The following FNBP4 variants were observed in gnomAD, a reference collection of about 807,000 sequenced individuals.
FNBP4 encodes formin-binding protein 4.
FNBP4 carries 34 observed loss-of-function variants against 119.3 expected under a neutral mutation model. The ratio of observed to expected loss-of-function variants is 0.28; its 90% confidence interval spans 0.22 to 0.38. The LOEUF (loss-of-function observed/expected upper bound fraction) is 0.38, where lower values mean the gene tolerates loss of function less well. Among genes scored for constraint, FNBP4 ranks in the 10% least tolerant of loss-of-function variants. FNBP4 has a pLI of 1.00. For missense variants in FNBP4, 1,112 were observed against 1,228.9 expected, an observed-to-expected ratio of 0.90 and a Z score of 1.42; for synonymous variants, 462 against 430.6, an observed-to-expected ratio of 1.07 and a Z score of -0.90.
At chr11:47,739,880 GCGATT>G (rs1177833598) in intron 8 of FNBP4, among the ~76,000 whole-genome samples, 2 of 152,154 alleles carry the variant, frequency 1.3e-5, no homozygotes, top group Non-Finnish European at 2.9e-5. Flanking sequence ...CCAGGTTCAA[GCGATT>G]CTCCTGCCTC....
chr11:47,730,431 A>C (rs934400704), intron 12 of FNBP4, among the ~76,000 whole-genome samples: 2 of 152,336 alleles, frequency 1.3e-5, no homozygotes, highest in Non-Finnish European at 2.9e-5. Flanking sequence ...TTAAGAAGTT[A>C]ACAAAATCAT....
chr11:47,729,159 C>A (rs536113826), intron 12 of FNBP4: 46 of 985,266 alleles, frequency 4.7e-5, no homozygotes, highest in Non-Finnish European at 5.3e-5. Flanking sequence ...GCCTAGGCAT[C>A]TTTATTTCTA....
At chr11:47,738,847 ATTTTTTTT>A (rs71045510) in intron 8 of FNBP4, among the ~76,000 whole-genome samples, 32 of 110,986 alleles carry the variant, frequency 2.9e-4, no homozygotes, top group South Asian at 1.0e-3. Flanking sequence ...TGCCCAGGTA[ATTTTTTTT>A]TTTTTTTTTT....
At chr11:47,750,467 A>G (rs1272383173) in intron 6 of FNBP4, among the ~76,000 whole-genome samples, 3 of 148,074 alleles carry the variant, frequency 2.0e-5, no homozygotes, top group Admixed American at 1.4e-4. Flanking sequence ...AGGCAGGCGG[A>G]TCATGAGGTC....
chr11:47,731,278 T>C lies in FNBP4; in HGVS notation c.2008+96A>G, dbSNP rs2097567087. The C allele has an allele frequency of 7.5e-6, 9 of 1,203,784 alleles. No individual in the cohort carries two copies. The South Asian group carries it at 1.0e-4, about 13-fold the overall frequency. The allele number at this position is 1,203,784 out of a possible 1,614,324, so 74.6% of individuals were successfully genotyped here. ...ACCACTATTCTCAATCAGAAGCTTA[T>C]ATTATTATGACATAAAATCTTTTAA... On this transcript the variant is annotated intron_variant, in intron 12 of 16. Transcript: ENST00000263773.
intron 8 of FNBP4, among the ~76,000 whole-genome samples, chr11:47,743,304 G>A (rs776563627): frequency 1.3e-5 from 2 of 152,038 alleles, no homozygotes; most frequent in Non-Finnish European, 2.9e-5. Flanking sequence ...CCAACATGGC[G>A]AAACTCCGTC....
intron 16 of FNBP4, among the ~76,000 whole-genome samples, chr11:47,718,597 G>A (rs994055736): frequency 9.9e-5 from 15 of 152,022 alleles, no homozygotes; most frequent in Admixed American, 9.8e-4. Context: ...TAACAGAATG[G>A]ATGCATTAGA....
intron 12 of FNBP4, chr11:47,729,857 A>T (rs1482209192): frequency 1.3e-5 from 13 of 985,386 alleles, no homozygotes; most frequent in East Asian, 2.3e-4. Flanking sequence ...TTTGGATTTT[A>T]CTTCGATCAA....
chr11:47,723,386 A>G, intron 14 of FNBP4, 70 bp from the exon 15 acceptor site: 1 of 1,520,976 alleles, frequency 6.6e-7, no homozygotes, highest in Non-Finnish European at 8.8e-7. Flanking sequence ...ATGAAAAGAG[A>G]AGTGGGGATT....
In FNBP4 at chr11:47,724,500, G is replaced by T. The variant is rs754298564; in HGVS notation, c.2287C>A (p.Pro763Thr). The change falls in exon 13 of 17, where the codon CCT (proline) becomes ACT (threonine). Residue 763 changes from proline to threonine, a missense_variant. Pro to Thr is a conservative substitution (Grantham distance 38). This residue lies in a region of FNBP4 where 826 missense variants were observed against 988.8 expected (regional missense o/e 0.84). Coordinates refer to ENST00000263773, the MANE Select transcript of FNBP4 (RefSeq NM_015308.5). ...GTTACAACTGTGGTTTGTGCTGAAG[G>T]TTTCAAAGGGGTATCTTCCTCTGTT... Reference protein sequence around the residue: ...PGTEEDTPLKPSAQTTVVTSQ... With the variant: ...PGTEEDTPLKTSAQTTVVTSQ... The T allele has an allele frequency of 6.2e-7, 1 of 1,614,110 alleles. No individual in the cohort carries two copies. Among genetic ancestry groups the T allele is most frequent in the East Asian group, 2.2e-5 (1 of 44,902 alleles).
intron 3 of FNBP4, among the ~76,000 whole-genome samples, chr11:47,754,295 C>T (rs1317038953): frequency 1.3e-5 from 2 of 151,742 alleles, no homozygotes; most frequent in Non-Finnish European, 2.9e-5. Context: ...GGGAGGATCG[C>T]TTCAGCCCAA....
At chr11:47,746,634 C>T (rs569893432) in intron 6 of FNBP4, among the ~76,000 whole-genome samples, 7 of 151,932 alleles carry the variant, frequency 4.6e-5, no homozygotes, top group Admixed American at 3.3e-4. Context: ...CCTGTCTCAG[C>T]CTCCCAAGTA....
chr11:47,746,519 CT>C (rs371706754), intron 6 of FNBP4, 125 bp from the exon 7 acceptor site: 67,224 of 611,450 alleles, frequency 0.11, 6 homozygotes, highest in South Asian at 0.16. Context: ...GTAAAAACGA[CT>C]TTTTTTTTTT....
chr11:47,732,246 G>A lies in FNBP4; in HGVS notation c.1820+291C>T. The stretch of plus-strand genomic sequence containing the variant: ...TGTAAAGCGCACAGAGCTCTCGCAT[G>A]CGCTTAACCCCCAAGCCCGCCCTAC... On this transcript the variant is annotated intron_variant, in intron 11 of 16. Transcript: ENST00000263773. This position sits in a 1 kb window ranked among gnomAD's most constrained non-coding sequence, Gnocchi z 4.2. 2 of 1,198,504 alleles carry A rather than the reference G, an allele frequency of 1.7e-6. No individual in the cohort carries two copies. The highest frequency in any genetic ancestry group is 2.1e-6 in the Non-Finnish European group (2 of 961,024). 74.2% of individuals were successfully genotyped at this position (1,198,504 alleles called of 1,614,324 possible). A position where few individuals can be genotyped will look rare whatever the true frequency, so the allele number is the denominator to read the frequency against.
At chr11:47,730,246 C>T in intron 12 of FNBP4, 2 of 984,604 alleles carry the variant, frequency 2.0e-6, no homozygotes, top group Non-Finnish European at 2.4e-6. Context: ...TCACTGCTAC[C>T]AAAAGAGAGG....
At chr11:47,747,249 A>G (rs901447370) in intron 6 of FNBP4, among the ~76,000 whole-genome samples, 1 of 152,084 alleles carries the variant, frequency 6.6e-6, no homozygotes, top group Admixed American at 6.6e-5. Context: ...CTTCTTGCCC[A>G]GGCTGGAGTG....
At chr11:47,755,729 T>C (rs967860268) in intron 2 of FNBP4, among the ~76,000 whole-genome samples, 1 of 151,656 alleles carries the variant, frequency 6.6e-6, no homozygotes, top group African/African-American at 2.4e-5. Flanking sequence ...AGGTTGAGGC[T>C]GCATTAAGCC....
At chr11:47,733,361 C>T (rs1565131654) in intron 10 of FNBP4, among the ~76,000 whole-genome samples, 2 of 151,284 alleles carry the variant, frequency 1.3e-5, no homozygotes, top group African/African-American at 2.4e-5. Context: ...GAGACGGACT[C>T]GGACTCTGGC....
chr11:47,767,251 G>T lies in FNBP4; in HGVS notation c.38C>A (p.Pro13His). The T allele has an allele frequency of 6.4e-7, 1 of 1,564,200 alleles. No homozygotes were observed. Among genetic ancestry groups the T allele is most frequent in the South Asian group, 1.2e-5 (1 of 85,410 alleles). ...KKSRAVPGRR[P>H]ILQLSPPGPR... is the part of the protein sequence containing the mutation. Reference sequence around the variant, plus strand: ...ACCCGGCGGAGAGAGTTGCAGGATGGGCCTACGGCCGGGTACCGCCCGGGA... The same window carrying T: ...ACCCGGCGGAGAGAGTTGCAGGATGTGCCTACGGCCGGGTACCGCCCGGGA... Residue 13 changes from proline to histidine, a missense_variant, in exon 1 of 17, where the codon CCC becomes CAC. By Grantham distance (77) the Pro-to-His change is moderately conservative. Around this residue, in one of 2 missense-constraint regions of FNBP4, gnomAD observed 286 missense variants for 240.1 expected, o/e 1.19. Coordinates refer to ENST00000263773, the MANE Select transcript of FNBP4 (RefSeq NM_015308.5).
Sources: gnomAD v4.1 joint callset for allele counts (sites outside exome capture counted in the v4.1 genomes callset) on GRCh38, gnomAD v4.1.1 for gene constraint, gnomAD v4.1.1 regional missense constraint, Gnocchi (gnomAD v3.1) non-coding constraint, MANE v1.5 for transcripts, NCBI Gene and HGNC (gene_info 2026-07-23, HGNC 2026-07-21) for gene names.